Variants in PHF6 observed in about 807,000 individuals in gnomAD.
PHF6 encodes PHD-like zinc finger protein.
Under a neutral mutation model 34.0 loss-of-function variants are expected in PHF6, and 7 were observed. The ratio of observed to expected loss-of-function variants is 0.21; its 90% CI spans 0.12 to 0.39. The LOEUF (loss-of-function observed/expected upper bound fraction) is 0.39. Among genes scored for constraint, PHF6 ranks in the 10% least tolerant of loss-of-function variants. The pLI, the probability that PHF6 is intolerant of heterozygous loss-of-function variation, is 1.00. For missense variants in PHF6, 128 were observed against 262.8 expected (o/e 0.49, Z 3.55); for synonymous variants, 89 against 88.4 (o/e 1.01, Z -0.04).
chrX:134,412,066 T>A (rs1035948546), intron 5 of PHF6, among the ~76,000 whole-genome samples: 1 of 112,500 alleles, frequency 8.9e-6, no homozygotes, highest in African/African-American at 3.2e-5. Context: ...TTAGTGAAAT[T>A]CCATGTCTTA....
At chrX:134,401,983 T>C (rs1186712461) in intron 5 of PHF6, among the ~76,000 whole-genome samples, 1 of 111,029 alleles carries the variant, frequency 9.0e-6, no homozygotes, top group East Asian at 2.8e-4. Context: ...TTTTTGTTTG[T>C]TTGTTTGTTT....
At chrX:134,384,013 C>T (rs2077319412) in intron 3 of PHF6, among the ~76,000 whole-genome samples, 1 of 111,969 alleles carries the variant, frequency 8.9e-6, no homozygotes, top group Non-Finnish European at 1.9e-5. Context: ...CTATACACAT[C>T]CTATGTAAGA....
intron 1 of PHF6, among the ~76,000 whole-genome samples, chrX:134,374,979 A>AC (rs1164364206): frequency 2.7e-5 from 3 of 111,561 alleles, no homozygotes; most frequent in African/African-American, 6.5e-5. Context: ...ATCATTATGA[A>AC]CCCCTTAGTA....
At position 134,422,355 on chromosome X, in the gene PHF6, A is replaced by T. The variant is rs745563709; in HGVS notation, c.969-2846A>T. ...CAACCATATTTCAGTGACAAAACAA[A>T]AATATATGTACTTGGATCCATAATG... On this transcript the variant is annotated intron_variant, in intron 9 of 10. Coordinates refer to ENST00000370803, the MANE Select transcript of PHF6 (RefSeq NM_001015877.2). Among the ~76,000 whole-genome samples, 3 of 112,339 alleles carry T rather than the reference A, an allele frequency of 2.7e-5. No individual in the cohort carries two copies. The South Asian group carries it at 1.1e-3, about 41-fold the overall frequency.
chrX:134,376,740 A>G (rs2077279445), intron 1 of PHF6, among the ~76,000 whole-genome samples: 1 of 112,019 alleles, frequency 8.9e-6, no homozygotes, highest in African/African-American at 3.2e-5. Context: ...TGGTTGTTTT[A>G]TAAATAATTG....
chrX:134,406,735 A>G (rs1463925583), intron 5 of PHF6, among the ~76,000 whole-genome samples: 3 of 111,955 alleles, frequency 2.7e-5, no homozygotes, highest in Non-Finnish European at 5.6e-5. Flanking sequence ...GGACAACCCT[A>G]TTTTGTCGCC....
At chrX:134,422,252 C>T (rs1045988968) in intron 9 of PHF6, among the ~76,000 whole-genome samples, 15 of 112,176 alleles carry the variant, frequency 1.3e-4, no homozygotes, top group African/African-American at 4.9e-4. Context: ...CATAATATTC[C>T]ATCATATAGG....
At chrX:134,425,493 GTT>G in intron 10 of PHF6, 163 bp downstream of exon 10, 1 of 559,842 alleles carries the variant, frequency 1.8e-6, no homozygotes, top group Non-Finnish European at 2.8e-6. Flanking sequence ...CATAGTAGTT[GTT>G]TTTTAACTAG....
Position 134,426,464 on chromosome X carries a change from C to T in PHF6, c.*804C>T, listed in dbSNP as rs1391875123. ...AGGACTTCAGACACCATGTCCGAAA[C>T]CTGTTCCTCTCAAGTGCCCTGTTGT... On this transcript the variant is annotated 3_prime_UTR_variant, in exon 11 of 11. Transcript: ENST00000370803. 6.2e-6 allele frequency: 1 copy of T among 162,127 alleles called. No homozygotes were observed. The allele number at this position is 162,127 out of a possible 1,213,427, so 13.4% of individuals were successfully genotyped here.
chrX:134,392,281 G>A (rs1030109614), intron 3 of PHF6, among the ~76,000 whole-genome samples: 1 of 112,126 alleles, frequency 8.9e-6, no homozygotes, highest in African/African-American at 3.2e-5. Flanking sequence ...AGAACAAGGT[G>A]TCCAGCAACC....
chrX:134,406,935 G>T (rs946788822), intron 5 of PHF6, among the ~76,000 whole-genome samples: 1 of 112,151 alleles, frequency 8.9e-6, no homozygotes, highest in Non-Finnish European at 1.9e-5. Flanking sequence ...TGAGTTTCTT[G>T]TGTATCCTTC....
At chrX:134,390,129 T>G (rs960255717) in intron 3 of PHF6, among the ~76,000 whole-genome samples, 5 of 112,129 alleles carry the variant, frequency 4.5e-5, no homozygotes, top group Non-Finnish European at 9.4e-5. Context: ...GAATATAGCA[T>G]GGTAGACTAA....
intron 9 of PHF6, chrX:134,419,179 T>C (rs2077482627): frequency 9.0e-6 from 1 of 111,277 alleles, no homozygotes; most frequent in African/African-American, 3.3e-5. Context: ...ATACAAAAAT[T>C]CTAAATAAAA....
chrX:134,391,233 C>G (rs138626916), intron 3 of PHF6, among the ~76,000 whole-genome samples: 1 of 111,275 alleles, frequency 9.0e-6, no homozygotes, highest in Non-Finnish European at 1.9e-5. Context: ...CTCAGCCTCC[C>G]AAAGTGCTGG....
chrX:134,415,332 T>C, intron 8 of PHF6: 1 of 546,772 alleles, frequency 1.8e-6, no homozygotes, highest in Non-Finnish European at 2.9e-6. Context: ...AAGAGAATTA[T>C]ACTGAGAAGA....
chrX:134,422,702 C>T (rs937565207), intron 9 of PHF6, among the ~76,000 whole-genome samples: 1 of 111,256 alleles, frequency 9.0e-6, no homozygotes. Context: ...GTATTTTTAA[C>T]TATTTCAATA....
intron 5 of PHF6, among the ~76,000 whole-genome samples, chrX:134,413,053 G>A (rs141918624): frequency 0.024 from 2,652 of 111,584 alleles, 39 homozygotes; most frequent in Non-Finnish European, 0.039. Flanking sequence ...CTTGCAGTGC[G>A]GTCAGTGTGA....
chrX:134,404,417 G>A (rs1401228725), intron 5 of PHF6, among the ~76,000 whole-genome samples: 2 of 112,097 alleles, frequency 1.8e-5, no homozygotes, highest in Non-Finnish European at 3.8e-5. Flanking sequence ...CAGATGAGGA[G>A]TTGCTTCTTA....
rs1298902235 is a variant in PHF6 at position 134,425,968 on chromosome X, ACAAAG to A, written c.*310_*314del. On this transcript the variant is annotated 3_prime_UTR_variant, in exon 11 of 11. Transcript: ENST00000370803. ...GAAGTAAGCTATATTTCTGGACTGA[ACAAAG>A]CTCTGCTGTTTAGAGCATTTAAGTT... is the stretch of plus-strand genomic sequence containing the variant. 6.1e-6 allele frequency: 1 copy of A among 164,024 alleles called. No homozygotes were observed. Among genetic ancestry groups the A allele is most frequent in the Non-Finnish European group, 1.2e-5 (1 of 84,603 alleles). The allele number at this position is 164,024 out of a possible 1,213,427, so 13.5% of individuals were successfully genotyped here.
Sources: allele counts gnomAD v4.1 joint callset (sites outside exome capture counted in the v4.1 genomes callset), GRCh38; gene constraint gnomAD v4.1.1; transcripts MANE v1.5; gene names NCBI Gene and HGNC (gene_info 2026-07-23, HGNC 2026-07-21).